The following RGS7BP variants were observed in gnomAD, a reference collection of about 807,000 sequenced individuals.
The protein encoded by RGS7BP is regulator of G protein signaling 7-binding protein.
A neutral mutation model predicts 31.3 loss-of-function variants in RGS7BP; 9 were observed. That is an observed-to-expected ratio of 0.29 (90% CI 0.17 to 0.50). The LOEUF (loss-of-function observed/expected upper bound fraction) is 0.50. RGS7BP is among the 20% of genes least tolerant of loss of function. The pLI, the probability that RGS7BP is intolerant of heterozygous loss-of-function variation, is 0.98. For synonymous variants in RGS7BP, 115 were observed against 120.1 expected, an observed-to-expected ratio of 0.96 and a Z score of 0.28; for missense variants, 274 against 322.0, an observed-to-expected ratio of 0.85 and a Z score of 1.14.
chr5:64,506,750 C>T lies in RGS7BP; in HGVS notation c.126C>T (p.Ser42=), dbSNP rs776015811. 3.1e-6 allele frequency: 5 copies of T among 1,605,026 alleles called. No homozygotes were observed. Among genetic ancestry groups the T allele is most frequent in the Admixed American group, 1.7e-5 (1 of 59,808 alleles). The change falls in exon 1 of 6, where the codon AGC becomes AGT. Residue 42 remains serine, a synonymous_variant. Transcript: ENST00000334025. This position sits in a 1 kb window ranked among gnomAD's most constrained non-coding sequence, Gnocchi z 4.6. ...DWERRGSGSE[S]AHKTQRALDD... Reference sequence around the variant, plus strand: ...AGCGCAGGGGCAGCGGCTCCGAGAGCGCCCACAAAACCCAACGAGCCCTGG... The same window carrying T: ...AGCGCAGGGGCAGCGGCTCCGAGAGTGCCCACAAAACCCAACGAGCCCTGG...
intron 2 of RGS7BP, among the ~76,000 whole-genome samples, chr5:64,527,731 C>T (rs990337670): frequency 2.0e-5 from 3 of 148,406 alleles, no homozygotes; most frequent in African/African-American, 4.9e-5. Context: ...TAAAAAATGA[C>T]ATTAAGTGAA....
intron 2 of RGS7BP, among the ~76,000 whole-genome samples, chr5:64,530,291 G>C (rs1290928116): frequency 6.6e-6 from 1 of 152,170 alleles, no homozygotes; most frequent in African/African-American, 2.4e-5. Flanking sequence ...CATCTCCCAG[G>C]TTTATCTGAA....
intron 2 of RGS7BP, among the ~76,000 whole-genome samples, chr5:64,514,871 C>A (rs1580385622): frequency 6.6e-6 from 1 of 152,180 alleles, no homozygotes; most frequent in African/African-American, 2.4e-5. Context: ...TTATTAGCAA[C>A]TTGACTAAAT....
At chr5:64,566,388 G>C (rs117196120) in intron 2 of RGS7BP, among the ~76,000 whole-genome samples, 2 of 152,166 alleles carry the variant, frequency 1.3e-5, no homozygotes, top group East Asian at 3.9e-4. Context: ...TACACCCTGA[G>C]AGAGAGAGAA....
chr5:64,506,870 G>A lies in RGS7BP; in HGVS notation c.165+81G>A. On this transcript the variant is annotated intron_variant, in intron 1 of 5. Coordinates refer to ENST00000334025, the MANE Select transcript of RGS7BP (RefSeq NM_001029875.3). This position sits in a 1 kb window ranked among gnomAD's most constrained non-coding sequence, Gnocchi z 4.6. ...AGTCATGTATGTTAATCATTTGCCT[G>A]AGTGCCAGCCACTCCCCCACCCTCA... 1 of 1,360,024 alleles carries A rather than the reference G, an allele frequency of 7.4e-7. No individual in the cohort carries two copies. Among genetic ancestry groups the A allele is most frequent in the South Asian group, 1.5e-5 (1 of 68,770 alleles). The allele number at this position is 1,360,024 out of a possible 1,614,324, so 84.2% of individuals were successfully genotyped here.
intron 2 of RGS7BP, among the ~76,000 whole-genome samples, chr5:64,575,391 A>C (rs923274079): frequency 7.2e-5 from 11 of 152,178 alleles, no homozygotes; most frequent in African/African-American, 2.7e-4. Context: ...CTGGTAATTG[A>C]ATTGCTCTTG....
intron 2 of RGS7BP, among the ~76,000 whole-genome samples, chr5:64,531,737 T>G (rs191418805): frequency 2.0e-5 from 3 of 152,358 alleles, no homozygotes; most frequent in African/African-American, 7.2e-5. Flanking sequence ...AAATCTTGTT[T>G]GTGCACATGT....
chr5:64,538,539 T>C (rs1323463273), intron 2 of RGS7BP, among the ~76,000 whole-genome samples: 3 of 87,118 alleles, frequency 3.4e-5, no homozygotes, highest in Admixed American at 1.3e-4. Flanking sequence ...TTTTTTTTTT[T>C]CCTTTTCTTT....
chr5:64,539,002 T>C (rs1295768956), intron 2 of RGS7BP, among the ~76,000 whole-genome samples: 2 of 152,336 alleles, frequency 1.3e-5, no homozygotes, highest in South Asian at 2.1e-4. Flanking sequence ...ATCTATTCAC[T>C]CTCAGTTGTT....
At chr5:64,594,593 G>A (rs1271787230) in intron 3 of RGS7BP, 117 bp from the exon 4 acceptor site, 1 of 880,378 alleles carries the variant, frequency 1.1e-6, no homozygotes, top group African/African-American at 1.7e-5. Context: ...AGCTATTAGG[G>A]TTAATGGAAC....
intron 2 of RGS7BP, among the ~76,000 whole-genome samples, chr5:64,570,160 A>T (rs922399667): frequency 6.6e-6 from 1 of 152,086 alleles, no homozygotes; most frequent in Non-Finnish European, 1.5e-5. Context: ...ACTTTTATAG[A>T]ATAGCAGATA....
At chr5:64,570,040 T>C (rs565484877) in intron 2 of RGS7BP, among the ~76,000 whole-genome samples, 15 of 152,262 alleles carry the variant, frequency 9.9e-5, no homozygotes, top group African/African-American at 3.4e-4. Context: ...CATCACTAAA[T>C]TATGTAAAAT....
chr5:64,608,312 C>G (rs1027245861), intron 5 of RGS7BP, among the ~76,000 whole-genome samples: 1 of 151,970 alleles, frequency 6.6e-6, no homozygotes, highest in Non-Finnish European at 1.5e-5. Context: ...TTTAAATAAC[C>G]CAACTCTTTA....
At chr5:64,550,479 A>G (rs1408804870) in intron 2 of RGS7BP, among the ~76,000 whole-genome samples, 1 of 150,254 alleles carries the variant, frequency 6.7e-6, no homozygotes, top group African/African-American at 2.5e-5. Flanking sequence ...TCCAAATACC[A>G]TCATCACATT....
rs1281177539 is a variant in RGS7BP, at chr5:64,610,459, A to C, written c.*1207A>C. The C allele has an allele frequency of 6.6e-6, 1 of 151,892 alleles. No individual in the cohort carries two copies. The highest frequency in any genetic ancestry group is 1.5e-5 in the Non-Finnish European group (1 of 67,908). The allele number at this position is 151,892 out of a possible 1,614,324, so 9.4% of individuals were successfully genotyped here. ...CCCAGACAGAATTTCCCATGGGTTG[A>C]GAGATCAAGTCTTTGCACTTTTTTT... On this transcript the variant is annotated 3_prime_UTR_variant, in exon 6 of 6. Coordinates refer to ENST00000334025, the MANE Select transcript of RGS7BP (RefSeq NM_001029875.3).
intron 2 of RGS7BP, among the ~76,000 whole-genome samples, chr5:64,574,280 G>A (rs906678532): frequency 2.0e-5 from 3 of 152,006 alleles, no homozygotes; most frequent in Non-Finnish European, 4.4e-5. Context: ...GTGTGTATGT[G>A]TGTGTGTGTG....
intron 3 of RGS7BP, among the ~76,000 whole-genome samples, chr5:64,581,702 T>C (rs984926487): frequency 6.6e-6 from 1 of 152,242 alleles, no homozygotes; most frequent in Non-Finnish European, 1.5e-5. Context: ...AAGCAACTTC[T>C]AACTGTCTTT....
chr5:64,605,710 C>A (rs115203845), intron 5 of RGS7BP, among the ~76,000 whole-genome samples: 2 of 151,952 alleles, frequency 1.3e-5, no homozygotes, highest in Admixed American at 6.6e-5. Context: ...AAAGGTCTCA[C>A]AAATGTGCAG....
chr5:64,534,655 G>A (rs1274653172), intron 2 of RGS7BP, among the ~76,000 whole-genome samples: 1 of 152,152 alleles, frequency 6.6e-6, no homozygotes, highest in Non-Finnish European at 1.5e-5. Context: ...TGGCAGATGA[G>A]AGAGCAAAAA....
Sources: allele counts gnomAD v4.1 joint callset (sites outside exome capture counted in the v4.1 genomes callset), GRCh38; gene constraint gnomAD v4.1.1; non-coding constraint Gnocchi (gnomAD v3.1); transcripts MANE v1.5; gene names NCBI Gene and HGNC (gene_info 2026-07-23, HGNC 2026-07-21).